The following PRKCE variants were observed in gnomAD, a reference collection of about 807,000 sequenced individuals.
PRKCE encodes protein kinase C epsilon, also known as protein kinase C epsilon type.
Under a neutral mutation model 85.4 loss-of-function variants are expected in PRKCE, and 16 were observed. That is an observed-to-expected ratio of 0.19 (90% CI 0.13 to 0.28). The LOEUF (loss-of-function observed/expected upper bound fraction) is 0.28. Among genes scored for constraint, PRKCE ranks in the 10% least tolerant of loss-of-function variants. PRKCE has a pLI of 1.00. For missense variants in PRKCE, 573 were observed against 975.2 expected, an observed-to-expected ratio of 0.59 and a Z score of 5.49; for synonymous variants, 388 against 371.5, an observed-to-expected ratio of 1.04 and a Z score of -0.51.
chr2:46,115,461 A>G (rs3768754), intron 11 of PRKCE, among the ~76,000 whole-genome samples: 3,783 of 152,304 alleles, frequency 0.025, 98 homozygotes, highest in East Asian at 0.1. Flanking sequence ...CACCAAACAC[A>G]TGGCTGGAAA....
At chr2:45,830,773 AC>A (rs1410880418) in intron 1 of PRKCE, among the ~76,000 whole-genome samples, 10 of 152,368 alleles carry the variant, frequency 6.6e-5, no homozygotes, top group African/African-American at 2.4e-4. Context: ...GAGTCCATTG[AC>A]AATATTGATG....
intron 1 of PRKCE, among the ~76,000 whole-genome samples, chr2:45,695,492 G>C (rs6721132): frequency 0.09 from 13,761 of 152,224 alleles, 837 homozygotes; most frequent in East Asian, 0.14. Context: ...TGTATAATAG[G>C]CTGGGCATGG....
chr2:46,004,767 A>C lies in PRKCE; in HGVS notation c.1063+129A>C. 1 of 749,734 alleles carries C rather than the reference A, an allele frequency of 1.3e-6. No homozygotes were observed. The highest frequency in any genetic ancestry group is 2.7e-5 in the East Asian group (1 of 36,532). 46.4% of individuals were successfully genotyped at this position (749,734 alleles called of 1,614,324 possible). ...GCTAGCAGCCCTGGTGGGTTTTCAC[A>C]CACCCGTTGCCTGTTGATTTAACAG... On this transcript the variant is annotated intron_variant, in intron 8 of 14. Transcript: ENST00000306156. The surrounding 1 kb of genome is among the most constrained non-coding windows in gnomAD (Gnocchi z 4.1).
At chr2:45,653,215 G>A (rs2103673349) in intron 1 of PRKCE, among the ~76,000 whole-genome samples, 1 of 152,234 alleles carries the variant, frequency 6.6e-6, no homozygotes, top group East Asian at 1.9e-4. Context: ...CTAAGTATGA[G>A]ATTGAGTTGT....
intron 11 of PRKCE, among the ~76,000 whole-genome samples, chr2:46,100,126 ATCTGAAAATGAATT>A (rs1161401056): frequency 6.6e-6 from 1 of 152,190 alleles, no homozygotes; most frequent in African/African-American, 2.4e-5. Flanking sequence ...CTTGAAGAGC[ATCTGAAAATGAATT>A]TCTGAAAATC....
Position 45,690,033 on chromosome 2 carries a change from GAAAC to G in PRKCE, c.348+37591_348+37594del, listed in dbSNP as rs938894859. ...TATAAACTTATGCATATGTCTTTTG[GAAAC>G]AAACAGGAAAATCATGCACACTATC... On this transcript the variant is annotated intron_variant, in intron 1 of 14. Coordinates refer to ENST00000306156, the MANE Select transcript of PRKCE (RefSeq NM_005400.3). Among the ~76,000 whole-genome samples, 7 of 152,142 alleles carry G rather than the reference GAAAC, an allele frequency of 4.6e-5. No homozygotes were observed. In the Middle Eastern group the frequency reaches 0.01, roughly 222 times the overall value.
intron 1 of PRKCE, among the ~76,000 whole-genome samples, chr2:45,653,675 G>A (rs1195043096): frequency 6.6e-6 from 1 of 152,102 alleles, no homozygotes; most frequent in Non-Finnish European, 1.5e-5. Context: ...AGGACACGGA[G>A]TTTTAGGGAA....
intron 14 of PRKCE, among the ~76,000 whole-genome samples, chr2:46,183,542 G>T (rs1680200109): frequency 6.6e-6 from 1 of 152,178 alleles, no homozygotes; most frequent in South Asian, 2.1e-4. Context: ...TGGGCATTGT[G>T]CTCTGTGCTG....
chr2:45,712,979 C>T lies in PRKCE; in HGVS notation c.348+60531C>T, dbSNP rs529001676. Reference sequence around the variant, plus strand: ...ACTAGATGAATAATAATGATAATTACGACACTGTCGCCTTGCATCTGTAAT... The same window carrying T: ...ACTAGATGAATAATAATGATAATTATGACACTGTCGCCTTGCATCTGTAAT... On this transcript the variant is annotated intron_variant, in intron 1 of 14. Coordinates refer to ENST00000306156, the MANE Select transcript of PRKCE (RefSeq NM_005400.3). 2.0e-4 allele frequency among the ~76,000 whole-genome samples: 31 copies of T among 152,310 alleles called. No homozygotes were observed. The East Asian group carries it at 2.7e-3, about 13-fold the overall frequency.
At chr2:45,695,011 TAA>T (rs1178844735) in intron 1 of PRKCE, among the ~76,000 whole-genome samples, 1 of 152,164 alleles carries the variant, frequency 6.6e-6, no homozygotes, top group Admixed American at 6.5e-5. Flanking sequence ...CTGCCTCATG[TAA>T]GATGCATTGG....
At chr2:46,043,948 G>A (rs532495139) in intron 10 of PRKCE, among the ~76,000 whole-genome samples, 6 of 152,218 alleles carry the variant, frequency 3.9e-5, no homozygotes, top group Non-Finnish European at 2.9e-5. Flanking sequence ...GCATAGGAGA[G>A]TCATGAGTAT....
chr2:45,941,039 C>T (rs1057217475), intron 2 of PRKCE, among the ~76,000 whole-genome samples: 2 of 121,078 alleles, frequency 1.7e-5, no homozygotes, highest in Non-Finnish European at 3.2e-5. Flanking sequence ...GCACTCCAGC[C>T]TGGGTGACAG....
At chr2:45,841,696 G>A (rs757506393) in intron 1 of PRKCE, among the ~76,000 whole-genome samples, 16 of 152,156 alleles carry the variant, frequency 1.1e-4, no homozygotes, top group South Asian at 8.3e-4. Context: ...ATTAACCATC[G>A]CAGGAGCCAT....
chr2:46,082,443 C>G (rs58080159), intron 10 of PRKCE, among the ~76,000 whole-genome samples: 3 of 152,090 alleles, frequency 2.0e-5, no homozygotes, highest in Non-Finnish European at 2.9e-5. Flanking sequence ...ACCTAGAGAA[C>G]TAGTTCATTG....
At chr2:45,869,615 A>G (rs1301662469) in intron 2 of PRKCE, among the ~76,000 whole-genome samples, 1 of 151,568 alleles carries the variant, frequency 6.6e-6, no homozygotes, top group East Asian at 1.9e-4. Context: ...AAGGGAGCAC[A>G]CCTAGTAAGC....
At chr2:46,134,826 G>A (rs1030731070) in intron 11 of PRKCE, among the ~76,000 whole-genome samples, 10 of 152,346 alleles carry the variant, frequency 6.6e-5, no homozygotes, top group Admixed American at 2.6e-4. Context: ...GTGTCACGAC[G>A]GATCGTCAGG....
chr2:46,117,208 T>C (rs902187389), intron 11 of PRKCE, among the ~76,000 whole-genome samples: 1 of 152,230 alleles, frequency 6.6e-6, no homozygotes, highest in Non-Finnish European at 1.5e-5. Flanking sequence ...TACCAGAGTT[T>C]ACACATTCAA....
intron 1 of PRKCE, among the ~76,000 whole-genome samples, chr2:45,746,322 G>C (rs1311374235): frequency 6.6e-6 from 1 of 152,194 alleles, no homozygotes; most frequent in African/African-American, 2.4e-5. Flanking sequence ...TCACACCTCA[G>C]ATGTCCAAAA....
intron 1 of PRKCE, among the ~76,000 whole-genome samples, chr2:45,809,503 G>A (rs549587246): frequency 3.3e-5 from 5 of 152,084 alleles, no homozygotes; most frequent in Admixed American, 2.6e-4. Flanking sequence ...TCTTGAAGTC[G>A]TTTCATTGTT....
Sources: gnomAD v4.1 joint callset for allele counts (sites outside exome capture counted in the v4.1 genomes callset) on GRCh38, gnomAD v4.1.1 for gene constraint, Gnocchi (gnomAD v3.1) non-coding constraint, MANE v1.5 for transcripts, NCBI Gene and HGNC (gene_info 2026-07-23, HGNC 2026-07-21) for gene names.